DOCK3: variants seen among roughly 807,000 people sequenced by gnomAD.
The protein encoded by DOCK3 is dedicator of cytokinesis protein 3.
A neutral mutation model predicts 265.6 loss-of-function variants in DOCK3; 60 were observed. The observed-to-expected ratio is 0.23, with a 90% CI of 0.18 to 0.28. The LOEUF (loss-of-function observed/expected upper bound fraction) is 0.28. Ranked by LOEUF, DOCK3 falls within the 10% of genes least tolerant of loss-of-function variation. The probability of loss-of-function intolerance (pLI) is 1.00; values close to 1 mark genes in which losing one functional copy is unlikely to be tolerated. For synonymous variants in DOCK3, 881 were observed against 938.0 expected (o/e 0.94, Z 1.11); for missense variants, 1,981 against 2,594.3 (o/e 0.76, Z 5.14).
intron 4 of DOCK3, chr3:50,901,739 T>C: frequency 2.2e-6 from 1 of 452,120 alleles, no homozygotes; most frequent in Non-Finnish European, 4.4e-6. Flanking sequence ...TCCCTGACCC[T>C]CTTGCTCTTG....
chr3:50,803,135 A>T (rs1167992064), intron 2 of DOCK3, among the ~76,000 whole-genome samples: 1 of 151,626 alleles, frequency 6.6e-6, no homozygotes, highest in Non-Finnish European at 1.5e-5. Flanking sequence ...GGGATTTGGC[A>T]GGGTCGTAGG....
At position 51,041,173 on chromosome 3, in the gene DOCK3, TATATATATATATATATATATATATA is replaced by T. The variant is rs2080473219; in HGVS notation, c.316-23274_316-23250del. Among the ~76,000 whole-genome samples the T allele has an allele frequency of 3.0e-3, 33 of 10,908 alleles. 1 individual carries two copies. The highest frequency in any genetic ancestry group is 8.7e-3 in the African/African-American group (32 of 3,684). 7.2% of individuals were successfully genotyped at this position (10,908 alleles called of 152,430 possible). A position where few individuals can be genotyped will look rare whatever the true frequency, so the allele number is the denominator to read the frequency against. The stretch of plus-strand genomic sequence containing the variant: ...CAGCCTTACAAAATGTATATATATA[TATATATATATATATATATATATATA>T]TATATATTTTTTTTTTTTTTTTTTT... On this transcript the variant is annotated intron_variant, in intron 5 of 52. Coordinates refer to ENST00000266037, the MANE Select transcript of DOCK3 (RefSeq NM_004947.5).
chr3:50,941,750 T>C (rs1360592403), intron 5 of DOCK3, among the ~76,000 whole-genome samples: 5 of 152,060 alleles, frequency 3.3e-5, no homozygotes, highest in Non-Finnish European at 5.9e-5. Context: ...ATCCAGCAAC[T>C]TAGAGTGATT....
At chr3:50,808,793 A>G (rs767172425) in intron 2 of DOCK3, among the ~76,000 whole-genome samples, 2 of 152,228 alleles carry the variant, frequency 1.3e-5, no homozygotes, top group Non-Finnish European at 2.9e-5. Flanking sequence ...CTGATGTATG[A>G]GAGAAGTGAC....
intron 9 of DOCK3, among the ~76,000 whole-genome samples, chr3:51,106,573 C>A (rs2083289477): frequency 6.6e-6 from 1 of 152,212 alleles, no homozygotes; most frequent in African/African-American, 2.4e-5. Flanking sequence ...TGGTGGGCTC[C>A]TTTCCTCACC....
At chr3:50,845,410 T>C (rs2046032246) in intron 3 of DOCK3, among the ~76,000 whole-genome samples, 1 of 152,152 alleles carries the variant, frequency 6.6e-6, no homozygotes, top group African/African-American at 2.4e-5. Flanking sequence ...TTATCAATAA[T>C]TGTGAACAGA....
At chr3:50,792,395 C>T (rs73074997) in intron 2 of DOCK3, among the ~76,000 whole-genome samples, 7,902 of 152,166 alleles carry the variant, frequency 0.052, 278 homozygotes, top group Middle Eastern at 0.085. Flanking sequence ...GACATGTCAT[C>T]TACAAATGGG....
At chr3:50,729,206 C>T (rs2038033210) in intron 1 of DOCK3, among the ~76,000 whole-genome samples, 1 of 147,888 alleles carries the variant, frequency 6.8e-6, no homozygotes, top group Non-Finnish European at 1.5e-5. Context: ...TGCCTGTATT[C>T]CCAGCTACTC....
intron 3 of DOCK3, among the ~76,000 whole-genome samples, chr3:50,859,283 T>A (rs2107485014): frequency 6.7e-6 from 1 of 148,172 alleles, no homozygotes; most frequent in Middle Eastern, 3.5e-3. Flanking sequence ...TGGCATGAAC[T>A]TGGCTCACTG....
intron 1 of DOCK3, among the ~76,000 whole-genome samples, chr3:50,677,622 C>A (rs1439139883): frequency 6.6e-6 from 1 of 152,112 alleles, no homozygotes; most frequent in Non-Finnish European, 1.5e-5. Flanking sequence ...CACTTACTTC[C>A]TACCAATTTG....
chr3:50,784,750 G>GTATACCTAATTTTATTT (rs2042099688), intron 2 of DOCK3, among the ~76,000 whole-genome samples: 1 of 152,154 alleles, frequency 6.6e-6, no homozygotes, highest in Non-Finnish European at 1.5e-5. Flanking sequence ...ATATTCGTAA[G>GTATACCTAATTTTATTT]TATTTTATTT....
At chr3:51,275,801 A>C (rs959554270) in intron 25 of DOCK3, among the ~76,000 whole-genome samples, 2 of 152,168 alleles carry the variant, frequency 1.3e-5, no homozygotes, top group African/African-American at 4.8e-5. Context: ...AAAAGAAATC[A>C]GTGGTAAGAG....
chr3:50,881,800 A>G (rs1229867208), intron 3 of DOCK3, among the ~76,000 whole-genome samples: 1 of 152,176 alleles, frequency 6.6e-6, no homozygotes, highest in Non-Finnish European at 1.5e-5. Flanking sequence ...AGGAGCCCGC[A>G]TTGCCCAGAC....
At chr3:51,156,094 A>G (rs995701252) in intron 10 of DOCK3, among the ~76,000 whole-genome samples, 4 of 152,218 alleles carry the variant, frequency 2.6e-5, no homozygotes, top group Non-Finnish European at 5.9e-5. Context: ...GATTATTACT[A>G]TAATAACATT....
chr3:51,146,528 T>A, intron 9 of DOCK3, 21 bp from the exon 10 acceptor site: 1 of 1,574,364 alleles, frequency 6.4e-7, no homozygotes, highest in South Asian at 1.2e-5. Context: ...TTTCTCTATA[T>A]CTTTCTTTCC....
intron 2 of DOCK3, among the ~76,000 whole-genome samples, chr3:50,780,173 G>A (rs530279014): frequency 6.6e-5 from 10 of 152,112 alleles, no homozygotes; most frequent in Admixed American, 2.6e-4. Flanking sequence ...CAACTCTAAG[G>A]GAACTAAGAA....
intron 10 of DOCK3, among the ~76,000 whole-genome samples, chr3:51,148,459 G>T (rs1051645239): frequency 6.6e-6 from 1 of 152,162 alleles, no homozygotes; most frequent in Non-Finnish European, 1.5e-5. Flanking sequence ...TTTCTTCTAG[G>T]ATTTTTATGG....
intron 10 of DOCK3, among the ~76,000 whole-genome samples, chr3:51,157,352 TCTC>T (rs1163640715): frequency 6.6e-6 from 1 of 152,114 alleles, no homozygotes; most frequent in African/African-American, 2.4e-5. Context: ...TTCAAGCCAT[TCTC>T]CTGCTTCAGC....
chr3:51,095,366 ATC>A (rs1232231016), intron 9 of DOCK3, among the ~76,000 whole-genome samples: 3 of 152,032 alleles, frequency 2.0e-5, no homozygotes, highest in Admixed American at 6.5e-5. Flanking sequence ...TGGTGACAAA[ATC>A]TCTCAGCAAT....
Sources: allele counts gnomAD v4.1 joint callset (sites outside exome capture counted in the v4.1 genomes callset), GRCh38; gene constraint gnomAD v4.1.1; transcripts MANE v1.5; gene names NCBI Gene and HGNC (gene_info 2026-07-23, HGNC 2026-07-21).